Variants in CSNK2A1 observed in about 807,000 individuals in gnomAD.
CSNK2A1 encodes casein kinase 2 alpha 1.
CSNK2A1 carries 10 observed loss-of-function variants against 62.9 expected under a neutral mutation model. The ratio of observed to expected loss-of-function variants is 0.16; its 90% CI spans 0.10 to 0.27. CSNK2A1 has a LOEUF of 0.27. Ranked by LOEUF, CSNK2A1 falls within the 10% of genes least tolerant of loss-of-function variation. The pLI, the probability that CSNK2A1 is intolerant of heterozygous loss-of-function variation, is 1.00. For missense variants in CSNK2A1, 160 were observed against 492.0 expected (o/e 0.33, Z 6.38); for synonymous variants, 124 against 167.8 (o/e 0.74, Z 2.02).
chr20:541,627 C>T (rs6037935), intron 1 of CSNK2A1, among the ~76,000 whole-genome samples: 1 of 152,172 alleles, frequency 6.6e-6, no homozygotes, highest in Non-Finnish European at 1.5e-5. Flanking sequence ...GAGTTGCCAC[C>T]TGTTTCATCC....
At chr20:494,935 C>T (rs1390472701) in intron 8 of CSNK2A1, 1 of 152,200 alleles carries the variant, frequency 6.6e-6, no homozygotes, top group African/African-American at 2.4e-5. Context: ...CCAATGAAAC[C>T]TTCCCTTATA....
At chr20:525,769 A>T (rs1181495894) in intron 2 of CSNK2A1, among the ~76,000 whole-genome samples, 1 of 148,386 alleles carries the variant, frequency 6.7e-6, no homozygotes, top group Non-Finnish European at 1.5e-5. Context: ...GCTTGAGCTC[A>T]GGAGTTTGGA....
chr20:509,637 G>A (rs1247634483), intron 2 of CSNK2A1, among the ~76,000 whole-genome samples: 2 of 152,236 alleles, frequency 1.3e-5, no homozygotes, highest in African/African-American at 2.4e-5. Flanking sequence ...ATGCAGTGGT[G>A]TGATCATGGC....
intron 4 of CSNK2A1, chr20:503,819 A>C (rs1241504984): frequency 5.0e-6 from 2 of 397,150 alleles, no homozygotes; most frequent in Non-Finnish European, 8.9e-6. Flanking sequence ...TATAAGAACA[A>C]ATTTAACTTT....
chr20:535,026 C>T (rs548632737), intron 1 of CSNK2A1, among the ~76,000 whole-genome samples: 81 of 103,834 alleles, frequency 7.8e-4, no homozygotes, highest in African/African-American at 2.8e-3. Context: ...GAGTGAGATG[C>T]TATCTCCCAA....
chr20:505,494 G>C (rs1011937510), intron 3 of CSNK2A1, among the ~76,000 whole-genome samples: 2 of 151,064 alleles, frequency 1.3e-5, no homozygotes, highest in African/African-American at 2.4e-5. Context: ...CGAGCAGCTG[G>C]GACCACAGGC....
intron 13 of CSNK2A1, among the ~76,000 whole-genome samples, chr20:485,067 A>C (rs1195450631): frequency 8.7e-5 from 1 of 11,452 alleles, no homozygotes; most frequent in Non-Finnish European, 1.4e-4. Flanking sequence ...CCTTGTCTCC[A>C]AAAAAAAAAA....
chr20:496,715 A>G (rs574459406), intron 7 of CSNK2A1: 40 of 152,200 alleles, frequency 2.6e-4, no homozygotes, highest in African/African-American at 9.6e-4. Flanking sequence ...CTTTATGTCA[A>G]CTCTTGTTTA....
At chr20:490,416 T>C (rs866052914) in intron 9 of CSNK2A1, among the ~76,000 whole-genome samples, 87 of 145,274 alleles carry the variant, frequency 6.0e-4, no homozygotes, top group African/African-American at 2.1e-3. Context: ...TTTTACTTTT[T>C]TTTTTTTTTT....
Position 476,855 on chromosome 20 carries a change from G to A in CSNK2A1, c.*7106C>T, listed in dbSNP as rs2017858712. The A allele has an allele frequency of 6.6e-6, 1 of 152,246 alleles. No individual in the cohort carries two copies. Among genetic ancestry groups the A allele is most frequent in the Non-Finnish European group, 1.5e-5 (1 of 68,088 alleles). 9.4% of individuals were successfully genotyped at this position (152,246 alleles called of 1,614,324 possible). ...CAAAGTGCTGAGATTACAGGTGTGAGCCACTGCACCCAGCCTGTTAAATCT... is the reference window on the plus strand; with the variant it reads ...CAAAGTGCTGAGATTACAGGTGTGAACCACTGCACCCAGCCTGTTAAATCT... On this transcript the variant is annotated 3_prime_UTR_variant, in exon 14 of 14. Transcript: ENST00000217244.
chr20:513,376 C>A (rs192539478), intron 2 of CSNK2A1, among the ~76,000 whole-genome samples: 3 of 152,292 alleles, frequency 2.0e-5, no homozygotes, highest in East Asian at 3.9e-4. Context: ...GATGATCTTC[C>A]AGAAAGGGCT....
At chr20:502,817 A>C (rs1396146450) in intron 4 of CSNK2A1, 1 of 152,230 alleles carries the variant, frequency 6.6e-6, no homozygotes, top group Admixed American at 6.5e-5. Flanking sequence ...GTATGGTCAC[A>C]TAACATCTTT....
intron 1 of CSNK2A1, among the ~76,000 whole-genome samples, chr20:533,945 A>C (rs936877759): frequency 1.3e-5 from 2 of 152,228 alleles, no homozygotes; most frequent in Admixed American, 1.3e-4. Context: ...TTACCACGCC[A>C]TATAAGCAAA....
intron 4 of CSNK2A1, chr20:504,228 G>A (rs1256970334): frequency 6.6e-6 from 1 of 152,104 alleles, no homozygotes; most frequent in African/African-American, 2.4e-5. Flanking sequence ...TAGCTATTTG[G>A]ACCTTGCTAC....
At chr20:488,143 G>A (rs537709541) in intron 11 of CSNK2A1, 105 of 161,840 alleles carry the variant, frequency 6.5e-4, no homozygotes, top group Non-Finnish European at 5.9e-4. Context: ...GGGCTCAAGG[G>A]AAGCTCCTGC....
rs902188056 is a variant in CSNK2A1 at position 473,441 on chromosome 20, T to C, written c.*10520A>G. On this transcript the variant is annotated 3_prime_UTR_variant, in exon 14 of 14. Transcript: ENST00000217244. ...CCCCTGCCCAGGGAAAGTTTTGTTT[T>C]GTTCCTGTTTCATTCCCCCAGATGC... 3.9e-5 allele frequency: 6 copies of C among 152,378 alleles called. No homozygotes were observed. Among genetic ancestry groups the C allele is most frequent in the Non-Finnish European group, 1.5e-5 (1 of 68,210 alleles). The allele number at this position is 152,378 out of a possible 1,614,324, so 9.4% of individuals were successfully genotyped here.
chr20:486,459 G>T lies in CSNK2A1; in HGVS notation c.977C>A (p.Thr326Asn). ...CATTCGAGCCTGGTCCTTCACAACAGTGTCTAGAAAAGAGACAAAAAGGCT... is the reference window on the plus strand; with the variant it reads ...CATTCGAGCCTGGTCCTTCACAACATTGTCTAGAAAAGAGACAAAAAGGCT... ...REAMEHPYFY[T>N]VVKDQARMGS... Residue 326 changes from threonine (T) to asparagine (N), a missense_variant, in exon 13 of 14, where the codon ACT (threonine) becomes AAT (asparagine). By Grantham distance (65) the Thr-to-Asn change is moderately conservative (BLOSUM62 0). Transcript: ENST00000217244. 1.2e-6 allele frequency: 2 copies of T among 1,613,064 alleles called. No individual in the cohort carries two copies. The highest frequency in any genetic ancestry group is 1.7e-6 in the Non-Finnish European group (2 of 1,179,730).
At chr20:490,341 T>TTTTTAG (rs2018197320) in intron 9 of CSNK2A1, among the ~76,000 whole-genome samples, 1 of 138,190 alleles carries the variant, frequency 7.2e-6, no homozygotes, top group Non-Finnish European at 1.5e-5. Context: ...TTTTCTTTTT[T>TTTTTAG]TTTTTTTTTT....
intron 2 of CSNK2A1, among the ~76,000 whole-genome samples, chr20:511,699 T>TAC (rs1264683845): frequency 2.0e-5 from 2 of 101,940 alleles, no homozygotes; most frequent in African/African-American, 1.2e-4. Flanking sequence ...ACTGTGTATA[T>TAC]ATATACACAC....
Sources: gnomAD v4.1 joint callset for allele counts (sites outside exome capture counted in the v4.1 genomes callset) on GRCh38, gnomAD v4.1.1 for gene constraint, MANE v1.5 for transcripts, NCBI Gene and HGNC (gene_info 2026-07-23, HGNC 2026-07-21) for gene names.